Variants in FAT3 observed in about 807,000 individuals in gnomAD.
The protein encoded by FAT3 is FAT atypical cadherin 3, also known as protocadherin Fat 3.
In FAT3, 95 loss-of-function variants were observed where a neutral mutation model predicts 310.2. That is an observed-to-expected ratio of 0.31 (90% CI 0.26 to 0.36). The LOEUF is 0.36. FAT3 is among the 10% of genes least tolerant of loss of function. FAT3 has a pLI of 1.00. For synonymous variants in FAT3, 2,314 were observed against 2,192.9 expected (o/e 1.06, Z -1.54); for missense variants, 5,408 against 5,715.6 (o/e 0.95, Z 1.74).
intron 10 of FAT3, among the ~76,000 whole-genome samples, chr11:92,802,995 C>G (rs1947402098): frequency 6.6e-6 from 1 of 150,512 alleles, no homozygotes; most frequent in Non-Finnish European, 1.5e-5. Flanking sequence ...GTGAAGTTTT[C>G]CCCTTGAAAC....
chr11:92,891,890 T>A lies in FAT3; in HGVS notation c.*777T>A, dbSNP rs936049766. 6.6e-6 allele frequency: 1 copy of A among 152,214 alleles called. No individual in the cohort carries two copies. Among genetic ancestry groups the A allele is most frequent in the Non-Finnish European group, 1.5e-5 (1 of 68,030 alleles). 9.4% of individuals were successfully genotyped at this position (152,214 alleles called of 1,614,324 possible). On this transcript the variant is annotated 3_prime_UTR_variant, in exon 28 of 28. Transcript: ENST00000525166. ...ATGTGATTATCTGGTTGGTTTTGTG[T>A]TTTCTGGTAAATATTCCAGTTGGTA...
At chr11:92,306,653 TTA>T (rs906218844) in intron 1 of FAT3, among the ~76,000 whole-genome samples, 3 of 122,504 alleles carry the variant, frequency 2.4e-5, no homozygotes, top group Admixed American at 1.1e-4. Context: ...ATTATATATA[TTA>T]TATATATATA....
chr11:92,530,590 TA>T (rs11464369), intron 3 of FAT3, among the ~76,000 whole-genome samples: 1 of 151,960 alleles, frequency 6.6e-6, no homozygotes, highest in African/African-American at 2.4e-5. Flanking sequence ...TTGTAGTTAA[TA>T]AAAAACCTGG....
rs140285997 is a variant in FAT3, at chr11:92,723,164, G to A, written c.3669+25719G>A. ...TGCTGTTTCCCTTATAAAACTGAAT[G>A]CCTTTAACAGCATCCAAGTCACCTC... is the stretch of plus-strand genomic sequence containing the variant. On this transcript the variant is annotated intron_variant, in intron 4 of 27. Coordinates refer to ENST00000525166, the MANE Select transcript of FAT3 (RefSeq NM_001367949.2). 8.5e-3 allele frequency among the ~76,000 whole-genome samples: 1,290 copies of A among 152,190 alleles called. 30 individuals are homozygous for A. Among genetic ancestry groups the A allele is most frequent in the African/African-American group, 0.03 (1,228 of 41,534 alleles).
chr11:92,762,839 G>A (rs1285061064), intron 5 of FAT3, among the ~76,000 whole-genome samples: 3 of 152,022 alleles, frequency 2.0e-5, no homozygotes, highest in African/African-American at 7.3e-5. Flanking sequence ...AAGGCAGCTG[G>A]TATCCTTACG....
intron 23 of FAT3, among the ~76,000 whole-genome samples, chr11:92,881,219 C>A (rs559459587): frequency 1.3e-5 from 2 of 152,154 alleles, no homozygotes; most frequent in Admixed American, 6.5e-5. Flanking sequence ...GACATACTAC[C>A]CATTTCCGCA....
At chr11:92,698,380 C>A (rs16917944) in intron 4 of FAT3, among the ~76,000 whole-genome samples, 1 of 152,104 alleles carries the variant, frequency 6.6e-6, no homozygotes, top group South Asian at 2.1e-4. Flanking sequence ...TAAAGAACAC[C>A]GGACTAGGAA....
intron 27 of FAT3, among the ~76,000 whole-genome samples, 153 bp from the exon 28 acceptor site, chr11:92,890,338 A>G (rs1949888571): frequency 6.6e-6 from 1 of 152,206 alleles, no homozygotes; most frequent in Non-Finnish European, 1.5e-5. Flanking sequence ...TCCGCAGGCC[A>G]AAGCATGGCT....
At chr11:92,606,370 C>G (rs1854308427) in intron 3 of FAT3, among the ~76,000 whole-genome samples, 1 of 152,120 alleles carries the variant, frequency 6.6e-6, no homozygotes, top group Non-Finnish European at 1.5e-5. Flanking sequence ...GAGAGTGCAG[C>G]ATGCATGACC....
intron 22 of FAT3, among the ~76,000 whole-genome samples, chr11:92,871,655 C>G (rs1949396190): frequency 6.6e-6 from 1 of 152,168 alleles, no homozygotes. Flanking sequence ...ACATCAGGAA[C>G]TTTCTGCTAG....
chr11:92,421,733 GT>G (rs1950537165), intron 2 of FAT3, among the ~76,000 whole-genome samples: 1 of 152,120 alleles, frequency 6.6e-6, no homozygotes, highest in Non-Finnish European at 1.5e-5. Context: ...TATATCTTCT[GT>G]TTTTGTTCTC....
At chr11:92,787,325 C>G (rs1049430450) in intron 7 of FAT3, among the ~76,000 whole-genome samples, 1 of 151,884 alleles carries the variant, frequency 6.6e-6, no homozygotes, top group African/African-American at 2.4e-5. Flanking sequence ...GGTATAGAAG[C>G]TGAACTGCTT....
At chr11:92,666,464 G>A (rs1170481064) in intron 3 of FAT3, among the ~76,000 whole-genome samples, 1 of 149,552 alleles carries the variant, frequency 6.7e-6, no homozygotes, top group Non-Finnish European at 1.5e-5. Flanking sequence ...CCATTCTCCT[G>A]CCTCAGCCTC....
intron 3 of FAT3, among the ~76,000 whole-genome samples, chr11:92,652,961 G>C (rs530164544): frequency 6.6e-6 from 1 of 152,186 alleles, no homozygotes; most frequent in East Asian, 1.9e-4. Context: ...TCAGGAGTTC[G>C]AGACCAGACT....
chr11:92,881,430 C>G (rs1949668160), intron 23 of FAT3, among the ~76,000 whole-genome samples: 1 of 152,144 alleles, frequency 6.6e-6, no homozygotes, highest in South Asian at 2.1e-4. Context: ...TGTATGTAAT[C>G]TCAAGCAAGT....
At chr11:92,585,287 T>C (rs191311501) in intron 3 of FAT3, among the ~76,000 whole-genome samples, 304 of 152,168 alleles carry the variant, frequency 2.0e-3, no homozygotes, top group African/African-American at 7.0e-3. Flanking sequence ...TTCTGTAGTT[T>C]GTATTATCAA....
intron 1 of FAT3, among the ~76,000 whole-genome samples, chr11:92,331,971 C>G (rs1352469172): frequency 6.6e-6 from 1 of 152,192 alleles, no homozygotes; most frequent in Admixed American, 6.5e-5. Context: ...TGCTTCTTAT[C>G]TATCTACTCC....
intron 4 of FAT3, among the ~76,000 whole-genome samples, chr11:92,750,926 G>C (rs1370208635): frequency 6.6e-6 from 1 of 152,246 alleles, no homozygotes; most frequent in Non-Finnish European, 1.5e-5. Context: ...TGTCTGGAAA[G>C]CTCCATCTCG....
intron 1 of FAT3, among the ~76,000 whole-genome samples, chr11:92,336,838 T>G (rs528587996): frequency 5.8e-4 from 89 of 152,312 alleles, no homozygotes; most frequent in African/African-American, 2.0e-3. Context: ...CTATATGACT[T>G]TCATCTAAGA....
Sources: gnomAD v4.1 joint callset for allele counts (sites outside exome capture counted in the v4.1 genomes callset) on GRCh38, gnomAD v4.1.1 for gene constraint, MANE v1.5 for transcripts, NCBI Gene and HGNC (gene_info 2026-07-23, HGNC 2026-07-21) for gene names.